The following PRELID2 variants were observed in gnomAD, a reference collection of about 807,000 sequenced individuals.
The protein encoded by PRELID2 is PRELI domain-containing protein 2.
In PRELID2, 25 loss-of-function variants were observed where a neutral mutation model predicts 28.4. The ratio of observed to expected loss-of-function variants is 0.88; its 90% confidence interval spans 0.64 to 1.23. The LOEUF (loss-of-function observed/expected upper bound fraction) is 1.23, where lower values mean the gene tolerates loss of function less well. Among genes scored for constraint, PRELID2 ranks in the 50% most tolerant of loss-of-function variants. The pLI is 0.00. For synonymous variants in PRELID2, 76 were observed against 71.6 expected, an observed-to-expected ratio of 1.06 and a Z score of -0.31; for missense variants, 201 against 214.4, an observed-to-expected ratio of 0.94 and a Z score of 0.39.
At chr5:145,298,960 A>C in the PRELID2 span, among the ~76,000 whole-genome samples, 1,829 of 152,232 alleles carry the variant, frequency 0.012, 25 homozygotes, top group African/African-American at 0.041. Flanking sequence ...GAACATTATC[A>C]AAAACAACAT....
intron 1 of PRELID2, among the ~76,000 whole-genome samples, chr5:145,600,117 C>G (rs1283873381): frequency 6.8e-6 from 1 of 146,552 alleles, no homozygotes; most frequent in Non-Finnish European, 1.5e-5. Context: ...GAAAAAGAAT[C>G]TCAATTGAAG....
chr5:145,335,616 C>G, the PRELID2 span, among the ~76,000 whole-genome samples: 2 of 151,788 alleles, frequency 1.3e-5, no homozygotes. Context: ...ATACAAGAAA[C>G]AAAAAGGGAA....
intron 1 of PRELID2, among the ~76,000 whole-genome samples, chr5:145,602,650 A>T (rs1485628044): frequency 6.6e-6 from 1 of 152,082 alleles, no homozygotes; most frequent in Non-Finnish European, 1.5e-5. Context: ...TTGAAAAATA[A>T]ATGGAAATAA....
chr5:145,696,592 G>A (rs1755272020), intron 1 of PRELID2, among the ~76,000 whole-genome samples: 1 of 151,994 alleles, frequency 6.6e-6, no homozygotes, highest in Non-Finnish European at 1.5e-5. Flanking sequence ...CTCTTGAGTA[G>A]CTGGGACCAC....
At chr5:145,289,773 T>A in the PRELID2 span, among the ~76,000 whole-genome samples, 1 of 152,282 alleles carries the variant, frequency 6.6e-6, no homozygotes, top group South Asian at 2.1e-4. Context: ...TACTGTCTGT[T>A]TTATCTTGTT....
the PRELID2 span, among the ~76,000 whole-genome samples, chr5:145,424,391 C>T: frequency 6.6e-6 from 1 of 152,222 alleles, no homozygotes; most frequent in Admixed American, 6.5e-5. Flanking sequence ...CAGCGAGACT[C>T]CGTGAGCGTT....
the PRELID2 span, among the ~76,000 whole-genome samples, chr5:145,368,032 G>C: frequency 1.3e-5 from 2 of 151,888 alleles, no homozygotes; most frequent in Non-Finnish European, 2.9e-5. Context: ...AAGAGTTCCT[G>C]TTGCTCCACA....
At chr5:145,667,820 C>T (rs1754624814) in intron 1 of PRELID2, among the ~76,000 whole-genome samples, 1 of 152,108 alleles carries the variant, frequency 6.6e-6, no homozygotes, top group Non-Finnish European at 1.5e-5. Context: ...TAGCTTTCTT[C>T]CTCCAGACAC....
At chr5:145,435,173 A>C in the PRELID2 span, among the ~76,000 whole-genome samples, 1 of 152,194 alleles carries the variant, frequency 6.6e-6, no homozygotes, top group Non-Finnish European at 1.5e-5. Context: ...ATACAAATAA[A>C]CTTATAAATA....
the PRELID2 span, among the ~76,000 whole-genome samples, chr5:145,239,219 G>A: frequency 6.6e-6 from 1 of 152,086 alleles, no homozygotes; most frequent in Non-Finnish European, 1.5e-5. Context: ...CTCTTGTCTA[G>A]CTATTCTCTA....
intron 1 of PRELID2, among the ~76,000 whole-genome samples, chr5:145,738,516 G>A (rs1368811378): frequency 6.6e-6 from 1 of 151,984 alleles, no homozygotes; most frequent in Non-Finnish European, 1.5e-5. Context: ...TGGAAAATTA[G>A]AACTGAAAAA....
chr5:145,563,092 GCACATGAT>G (rs1752937614), intron 1 of PRELID2, among the ~76,000 whole-genome samples: 1 of 152,168 alleles, frequency 6.6e-6, no homozygotes, highest in African/African-American at 2.4e-5. Flanking sequence ...CCAGGGGTGG[GCACATGAT>G]CCACGCTTGG....
intron 5 of PRELID2, among the ~76,000 whole-genome samples, chr5:145,766,438 C>T (rs1012207721): frequency 6.6e-6 from 1 of 152,048 alleles, no homozygotes; most frequent in Non-Finnish European, 1.5e-5. Context: ...GGATCTAAGC[C>T]CAGGGATGGG....
rs1752962579 is a variant in PRELID2, at chr5:145,565,875, A to G, written n.71-92560T>C. ...GTTTCATTGGCTCATGTGAGGCCAT[A>G]TGTTCATTTCTAAAATAATCAGATT... On this transcript the variant is annotated intron_variant and non_coding_transcript_variant, in intron 1 of 2. Coordinates refer to the PRELID2 transcript ENST00000510259. Among the ~76,000 whole-genome samples the G allele has an allele frequency of 2.6e-5, 4 of 152,320 alleles. No individual in the cohort carries two copies. In the South Asian group the frequency reaches 6.2e-4, roughly 24 times the overall value.
At chr5:145,579,695 T>C (rs1258335753) in intron 1 of PRELID2, among the ~76,000 whole-genome samples, 3 of 152,108 alleles carry the variant, frequency 2.0e-5, no homozygotes, top group Admixed American at 6.6e-5. Context: ...CTCATATGTA[T>C]GCATTTTGGA....
At chr5:145,520,291 G>A (rs1228370179) in intron 1 of PRELID2, among the ~76,000 whole-genome samples, 1 of 152,104 alleles carries the variant, frequency 6.6e-6, no homozygotes, top group African/African-American at 2.4e-5. Context: ...CTTCTGAACT[G>A]GTGGTAAAGG....
chr5:145,675,809 A>G (rs1178269923), intron 1 of PRELID2, among the ~76,000 whole-genome samples: 1 of 152,270 alleles, frequency 6.6e-6, no homozygotes, highest in Non-Finnish European at 1.5e-5. Context: ...GCTATGAACC[A>G]GCAAGGTACA....
rs142466583 is a variant in PRELID2 at position 145,652,272 on chromosome 5, T to C, written n.70+112659A>G. On this transcript the variant is annotated intron_variant and non_coding_transcript_variant, in intron 1 of 2. Coordinates refer to the PRELID2 transcript ENST00000510259. Reference sequence around the variant, plus strand: ...ACTATGTGAAAAGACCAAATCTATGTCTGATTGGCATACCTGAAAGTGACA... The same window carrying C: ...ACTATGTGAAAAGACCAAATCTATGCCTGATTGGCATACCTGAAAGTGACA... 1.3e-3 allele frequency among the ~76,000 whole-genome samples: 196 copies of C among 152,328 alleles called. 2 individuals carry two copies. Among genetic ancestry groups the C allele is most frequent in the African/African-American group, 4.6e-3 (192 of 41,576 alleles).
intron 1 of PRELID2, among the ~76,000 whole-genome samples, chr5:145,699,959 A>C (rs1459384104): frequency 4.6e-5 from 7 of 152,206 alleles, no homozygotes; most frequent in Non-Finnish European, 1.0e-4. Flanking sequence ...AAAGCTGAAT[A>C]TAAGTTCTGC....
Sources: gnomAD v4.1 joint callset for allele counts (sites outside exome capture counted in the v4.1 genomes callset) on GRCh38, gnomAD v4.1.1 for gene constraint, MANE v1.5 for transcripts, NCBI Gene and HGNC (gene_info 2026-07-23, HGNC 2026-07-21) for gene names.